Variants in PITPNC1 observed in about 807,000 individuals in gnomAD.
PITPNC1 encodes phosphatidylinositol transfer protein cytoplasmic 1, also known as cytoplasmic phosphatidylinositol transfer protein 1.
In PITPNC1, 18 loss-of-function variants were observed where a neutral mutation model predicts 44.7. The observed-to-expected ratio is 0.40, with a 90% confidence interval of 0.28 to 0.60. The LOEUF is 0.60. Ranked by LOEUF, PITPNC1 falls within the 20% of genes least tolerant of loss-of-function variation. The pLI, the probability that PITPNC1 is intolerant of heterozygous loss-of-function variation, is 0.39. For missense variants in PITPNC1, 290 were observed against 418.4 expected, an observed-to-expected ratio of 0.69 and a Z score of 2.68; for synonymous variants, 141 against 149.6, an observed-to-expected ratio of 0.94 and a Z score of 0.42.
intron 1 of PITPNC1, among the ~76,000 whole-genome samples, chr17:67,416,658 T>C (rs2038594036): frequency 7.2e-5 from 11 of 152,188 alleles, no homozygotes; most frequent in Admixed American, 7.2e-4. Flanking sequence ...TGCACTGGCA[T>C]AGGTTCCTGG....
At chr17:67,461,364 C>T (rs755163774) in intron 1 of PITPNC1, among the ~76,000 whole-genome samples, 2 of 152,206 alleles carry the variant, frequency 1.3e-5, no homozygotes, top group African/African-American at 4.8e-5. Context: ...AGTACAGCTT[C>T]GGGGGCGGTG....
intron 1 of PITPNC1, among the ~76,000 whole-genome samples, chr17:67,494,646 A>G (rs1598740722): frequency 6.6e-6 from 1 of 152,202 alleles, no homozygotes; most frequent in African/African-American, 2.4e-5. Flanking sequence ...CAGAGTGCCA[A>G]AAGGACCAGG....
chr17:67,436,004 T>C (rs2038932589), intron 1 of PITPNC1, among the ~76,000 whole-genome samples: 1 of 152,190 alleles, frequency 6.6e-6, no homozygotes, highest in Non-Finnish European at 1.5e-5. Context: ...TTTTTATTTT[T>C]TTGAGATACA....
Position 67,546,627 on chromosome 17 carries a change from A to G in PITPNC1, c.198-5630A>G, listed in dbSNP as rs532605780. On this transcript the variant is annotated intron_variant, in intron 2 of 8. Coordinates refer to ENST00000581322, the MANE Select transcript of PITPNC1 (RefSeq NM_012417.4). ...TCAGCACACTGTCCACATAACCCTG[A>G]TGCTGTCCAAGCTGAGCCTTCCAGG... 1.4e-3 allele frequency among the ~76,000 whole-genome samples: 208 copies of G among 152,292 alleles called. 1 individual carries two copies. Among genetic ancestry groups the G allele is most frequent in the African/African-American group, 4.9e-3 (203 of 41,568 alleles).
rs531492820 is a variant in PITPNC1, at chr17:67,567,213, C to T, written c.295-10973C>T. Among the ~76,000 whole-genome samples the T allele has an allele frequency of 1.9e-3, 295 of 152,144 alleles. 4 individuals carry two copies. The highest frequency in any genetic ancestry group is 6.8e-3 in the African/African-American group (284 of 41,510). ...AAGAAATACCTGGACAGGCCAGGCGCGGTGGCTCACGCCTGTAATCCCAGC... is the reference window on the plus strand; with the variant it reads ...AAGAAATACCTGGACAGGCCAGGCGTGGTGGCTCACGCCTGTAATCCCAGC... On this transcript the variant is annotated intron_variant, in intron 4 of 8. Transcript: ENST00000581322.
intron 5 of PITPNC1, among the ~76,000 whole-genome samples, chr17:67,592,459 C>T (rs2041405203): frequency 6.6e-6 from 1 of 152,054 alleles, no homozygotes; most frequent in Non-Finnish European, 1.5e-5. Context: ...AATGTAATTC[C>T]AATCAACATC....
At chr17:67,464,794 C>CA (rs2039399392) in intron 1 of PITPNC1, among the ~76,000 whole-genome samples, 1 of 151,478 alleles carries the variant, frequency 6.6e-6, no homozygotes, top group Admixed American at 6.6e-5. Context: ...GGCTGGAGTG[C>CA]AGTGGTGCAA....
At chr17:67,644,840 C>T (rs1355640462) in intron 6 of PITPNC1, among the ~76,000 whole-genome samples, 1 of 152,176 alleles carries the variant, frequency 6.6e-6, no homozygotes, top group Non-Finnish European at 1.5e-5. Context: ...ACCAGAACTT[C>T]TTGGCCCTTA....
intron 1 of PITPNC1, among the ~76,000 whole-genome samples, chr17:67,469,991 C>G (rs2039493426): frequency 6.6e-6 from 1 of 151,988 alleles, no homozygotes; most frequent in Admixed American, 6.6e-5. Context: ...TGTGCAATCT[C>G]AGCTCACTGT....
intron 5 of PITPNC1, among the ~76,000 whole-genome samples, chr17:67,607,453 C>T (rs934860644): frequency 1.3e-5 from 2 of 152,232 alleles, no homozygotes; most frequent in Non-Finnish European, 2.9e-5. Flanking sequence ...TTGTAAGCAA[C>T]TCTCAGAGGC....
At chr17:67,385,452 CAAAT>C (rs2038028173) in intron 1 of PITPNC1, among the ~76,000 whole-genome samples, 1 of 152,112 alleles carries the variant, frequency 6.6e-6, no homozygotes, top group African/African-American at 2.4e-5. Context: ...TGGGCGGGGA[CAAAT>C]AAGGGAATAA....
At chr17:67,393,347 TG>T (rs778660262) in intron 1 of PITPNC1, among the ~76,000 whole-genome samples, 1 of 151,960 alleles carries the variant, frequency 6.6e-6, no homozygotes, top group Non-Finnish European at 1.5e-5. Context: ...CCAAAGCCCC[TG>T]GCAACCACCA....
intron 4 of PITPNC1, among the ~76,000 whole-genome samples, chr17:67,558,268 T>A (rs2040864294): frequency 6.6e-6 from 1 of 151,904 alleles, no homozygotes; most frequent in Admixed American, 6.6e-5. Context: ...GGGAAAAACA[T>A]CTTTAGCTTG....
chr17:67,678,138 C>A (rs373461053), intron 8 of PITPNC1, among the ~76,000 whole-genome samples: 1 of 151,658 alleles, frequency 6.6e-6, no homozygotes, highest in East Asian at 1.9e-4. Context: ...ATCACTTGAG[C>A]CCAGGAGCTG....
rs560528794 is a variant in PITPNC1 at position 67,559,175 on chromosome 17, C to T, written c.294+5558C>T. Among the ~76,000 whole-genome samples the T allele has an allele frequency of 7.9e-5, 12 of 152,294 alleles. No homozygotes were observed. In the South Asian group the frequency reaches 1.7e-3, roughly 21 times the overall value. On this transcript the variant is annotated intron_variant, in intron 4 of 8. Coordinates refer to ENST00000581322, the MANE Select transcript of PITPNC1 (RefSeq NM_012417.4). ...TCTCCTTTCTTAAGCCTTTCTTCCC[C>T]GCACCTTCCCCTGAGTCCCAGCCAA...
chr17:67,422,212 T>C (rs1375934274), intron 1 of PITPNC1, among the ~76,000 whole-genome samples: 1 of 152,168 alleles, frequency 6.6e-6, no homozygotes, highest in African/African-American at 2.4e-5. Context: ...AGGCCCATCC[T>C]AGGAGGAAGG....
chr17:67,571,528 G>A (rs2041057710), intron 4 of PITPNC1, among the ~76,000 whole-genome samples: 1 of 152,066 alleles, frequency 6.6e-6, no homozygotes, highest in South Asian at 2.1e-4. Flanking sequence ...TGGGTCCTTG[G>A]CTCAGGCAAC....
chr17:67,378,625 A>G (rs546577502), intron 1 of PITPNC1, among the ~76,000 whole-genome samples: 2 of 151,996 alleles, frequency 1.3e-5, no homozygotes, highest in African/African-American at 4.8e-5. Flanking sequence ...TAGGGGTGCG[A>G]GGAGGAGCCC....
intron 1 of PITPNC1, among the ~76,000 whole-genome samples, chr17:67,487,027 T>C (rs2144037408): frequency 6.6e-6 from 1 of 151,540 alleles, no homozygotes; most frequent in East Asian, 2.0e-4. Flanking sequence ...AGCAAGACTC[T>C]GTCTAAAAAA....
Sources: allele counts gnomAD v4.1 joint callset (sites outside exome capture counted in the v4.1 genomes callset), GRCh38; gene constraint gnomAD v4.1.1; transcripts MANE v1.5; gene names NCBI Gene and HGNC (gene_info 2026-07-23, HGNC 2026-07-21).